Variants in APOL1 observed in about 807,000 individuals in gnomAD.
APOL1 encodes the protein apolipoprotein L 1.
In APOL1, 17 loss-of-function variants were observed where a neutral mutation model predicts 14.9. The observed-to-expected ratio is 1.14, with a 90% CI of 0.78 to 1.71. The LOEUF is 1.71. APOL1 is among the 40% of genes most tolerant of loss of function. APOL1 has a pLI of 0.00. For missense variants in APOL1, 523 were observed against 485.9 expected, an observed-to-expected ratio of 1.08 and a Z score of -0.72; for synonymous variants, 195 against 184.8, an observed-to-expected ratio of 1.05 and a Z score of -0.45.
intron 4 of APOL1, among the ~76,000 whole-genome samples, chr22:36,259,299 A>G (rs1288221023): frequency 6.6e-6 from 1 of 152,202 alleles, no homozygotes; most frequent in Non-Finnish European, 1.5e-5. Flanking sequence ...AAATACACAG[A>G]TTTAGTGCCA....
intron 4 of APOL1, among the ~76,000 whole-genome samples, chr22:36,260,303 G>A (rs1422541878): frequency 6.6e-6 from 1 of 152,192 alleles, no homozygotes; most frequent in East Asian, 1.9e-4. Context: ...GCTGAGGCAG[G>A]AGAATGGCAT....
chr22:36,257,970 C>T lies in APOL1; in HGVS notation c.187+563C>T, dbSNP rs58203109. On this transcript the variant is annotated intron_variant, in intron 4 of 5. Coordinates refer to ENST00000397278, the MANE Select transcript of APOL1 (RefSeq NM_003661.4). ...GCCACATCCCCTCTGTGTGACCTGG[C>T]GCTCCTTACCTCCCTTCTCCTGTAC... is the stretch of plus-strand genomic sequence containing the variant. Among the ~76,000 whole-genome samples the T allele has an allele frequency of 3.1e-3, 474 of 152,294 alleles. 1 individual carries two copies. Among genetic ancestry groups the T allele is most frequent in the African/African-American group, 0.011 (447 of 41,558 alleles).
intron 4 of APOL1, 78 bp from the exon 5 acceptor site, chr22:36,261,518 T>C (rs1364500105): frequency 6.2e-6 from 9 of 1,446,092 alleles, no homozygotes; most frequent in Middle Eastern, 1.8e-4. Context: ...AAAATTAACA[T>C]GTAGTCATCT....
Position 36,257,619 on chromosome 22 carries a change from G to T in APOL1, c.187+212G>T, listed in dbSNP as rs564462892. The T allele has an allele frequency of 1.3e-5, 7 of 557,608 alleles. No homozygotes were observed. In the Admixed American group the frequency reaches 2.1e-4, roughly 17 times the overall value. 34.5% of individuals were successfully genotyped at this position (557,608 alleles called of 1,614,324 possible). A position where few individuals can be genotyped will look rare whatever the true frequency, so the allele number is the denominator to read the frequency against. On this transcript the variant is annotated intron_variant, in intron 4 of 5. Coordinates refer to ENST00000397278, the MANE Select transcript of APOL1 (RefSeq NM_003661.4). Reference sequence around the variant, plus strand: ...CTCTCCTTAGGGTGACACGGCCCAGGTGCCCACTTCCTCCCTACCCTGGCA... The same window carrying T: ...CTCTCCTTAGGGTGACACGGCCCAGTTGCCCACTTCCTCCCTACCCTGGCA...
Position 36,261,605 on chromosome 22 carries a change from T to G in APOL1, c.197T>G (p.Ile66Ser). ...AAGTMDPESS[I>S]FIEDAIKYFK... ...TCTTCTTTCCAACTAGAGAGCAGTATCTTTATTGAGGATGCCATTAAGTAT... is the reference window on the plus strand; with the variant it reads ...TCTTCTTTCCAACTAGAGAGCAGTAGCTTTATTGAGGATGCCATTAAGTAT... Residue 66 changes from isoleucine to serine, a missense_variant, in exon 5 of 6, where the codon ATC becomes AGC. Transcript: ENST00000397278. 1 of 1,613,404 alleles carries G rather than the reference T, an allele frequency of 6.2e-7. No individual in the cohort carries two copies. Among genetic ancestry groups the G allele is most frequent in the Non-Finnish European group, 8.5e-7 (1 of 1,179,456 alleles).
chr22:36,264,523 C>T lies in APOL1; in HGVS notation c.315-628C>T, dbSNP rs912579987. Among the ~76,000 whole-genome samples, 5 of 152,268 alleles carry T rather than the reference C, an allele frequency of 3.3e-5. No homozygotes were observed. The East Asian group carries it at 5.8e-4, about 18-fold the overall frequency. On this transcript the variant is annotated intron_variant, in intron 5 of 5. Transcript: ENST00000397278. ...GCTCTTTGTTCATCTGCAGAGTTTT[C>T]CCTCTCCAAACACTTTGGCAGTCAC...
Position 36,266,393 on chromosome 22 carries a change from T to G in APOL1, c.*360T>G, listed in dbSNP as rs1458323593. 2.7e-6 allele frequency: 1 copy of G among 377,224 alleles called. No homozygotes were observed. Among genetic ancestry groups the G allele is most frequent in the African/African-American group, 2.1e-5 (1 of 47,246 alleles). 23.4% of individuals were successfully genotyped at this position (377,224 alleles called of 1,614,324 possible). ...CGTGAGCCATCGCTTTTGACCCAAATGCAAACATTTTATTAGGGGGATAAA... is the reference window on the plus strand; with the variant it reads ...CGTGAGCCATCGCTTTTGACCCAAAGGCAAACATTTTATTAGGGGGATAAA... On this transcript the variant is annotated 3_prime_UTR_variant, in exon 6 of 6. Coordinates refer to ENST00000397278, the MANE Select transcript of APOL1 (RefSeq NM_003661.4).
At chr22:36,259,660 T>C (rs776567945) in intron 4 of APOL1, 2 of 1,286,508 alleles carry the variant, frequency 1.6e-6, no homozygotes, top group South Asian at 2.5e-5. Context: ...ATCTGTGGTT[T>C]AATAACAGGC....
At chr22:36,264,316 C>CT (rs1230061291) in intron 5 of APOL1, among the ~76,000 whole-genome samples, 5 of 152,198 alleles carry the variant, frequency 3.3e-5, no homozygotes, top group Non-Finnish European at 1.5e-5. Flanking sequence ...CATCAGATTC[C>CT]TATACGGTCC....
rs146915099 is a variant in APOL1, at chr22:36,257,089, T to C, written c.51T>C (p.Ser17=). The C allele has an allele frequency of 5.6e-6, 9 of 1,613,964 alleles. No individual in the cohort carries two copies. Among genetic ancestry groups the C allele is most frequent in the African/African-American group, 5.3e-5 (4 of 74,886 alleles). The stretch of plus-strand genomic sequence containing the variant: ...TCTCCTCATACCCCAACAGGATGAG[T>C]GCACTTTTCCTTGGTGTGGGAGTGA... The part of the protein sequence containing the change: ...LRVSVLCIWM[S]ALFLGVGVRA... The change falls in exon 3 of 6, where the codon AGT becomes AGC. Residue 17 remains serine (S), a synonymous_variant. Transcript: ENST00000397278.
Position 36,266,065 on chromosome 22 carries a change from T to C in APOL1, c.*32T>C, listed in dbSNP as rs748673128. On this transcript the variant is annotated 3_prime_UTR_variant, in exon 6 of 6. Coordinates refer to ENST00000397278, the MANE Select transcript of APOL1 (RefSeq NM_003661.4). ...GGCAGGGCAGCCACCAGGAGAGATA[T>C]GCCTGGCAGGGGCCAGGACAAAATG... 1.3e-6 allele frequency: 2 copies of C among 1,549,232 alleles called. No individual in the cohort carries two copies. The highest frequency in any genetic ancestry group is 2.8e-5 in the African/African-American group (2 of 72,238).
chr22:36,256,486 A>T (rs572693117), intron 2 of APOL1, among the ~76,000 whole-genome samples: 1 of 152,354 alleles, frequency 6.6e-6, no homozygotes, highest in South Asian at 2.1e-4. Flanking sequence ...AGCAGAGGGG[A>T]CAGGGCAGCA....
rs753380461 is a variant in APOL1 at position 36,257,133 on chromosome 22, C to G, written c.95C>G (p.Ala32Gly). 8 of 1,613,952 alleles carry G rather than the reference C, an allele frequency of 5.0e-6. No homozygotes were observed. Among genetic ancestry groups the G allele is most frequent in the African/African-American group, 1.3e-5 (1 of 74,880 alleles). The change falls in exon 3 of 6, where the codon GCG becomes GGG. Residue 32 changes from alanine to glycine, a missense_variant. Transcript: ENST00000397278. ...GGAGTGAGGGCAGAGGAAGCTGGAG[C>G]GAGGTGAGTGTCTGCAAATAGCAGA... ...GVGVRAEEAG[A>G]RVQQNVPSGT...
intron 2 of APOL1, among the ~76,000 whole-genome samples, chr22:36,255,528 G>T (rs982276575): frequency 6.6e-6 from 1 of 151,102 alleles, no homozygotes; most frequent in African/African-American, 2.5e-5. Flanking sequence ...TGCTGCCCAG[G>T]ACTGGGTCCC....
In APOL1 at chr22:36,266,705, A is replaced by G. The variant is rs544305626; in HGVS notation, c.*672A>G. 3.1e-5 allele frequency: 11 copies of G among 352,658 alleles called. No homozygotes were observed. The South Asian group carries it at 1.0e-3, about 32-fold the overall frequency. 21.8% of individuals were successfully genotyped at this position (352,658 alleles called of 1,614,324 possible). ...CGGATCACGAGGTCAGGAGATCGAG[A>G]CCATCCTGGCTAACACAGTGAAACC... is the stretch of plus-strand genomic sequence containing the variant. On this transcript the variant is annotated 3_prime_UTR_variant, in exon 6 of 6. Coordinates refer to ENST00000397278, the MANE Select transcript of APOL1 (RefSeq NM_003661.4).
At chr22:36,262,121 C>G (rs55653110) in intron 5 of APOL1, among the ~76,000 whole-genome samples, 16,784 of 152,214 alleles carry the variant, frequency 0.11, 1,068 homozygotes, top group Non-Finnish European at 0.15. Flanking sequence ...TTGGTGGAAA[C>G]AGAACCAGGG....
At chr22:36,262,412 T>C (rs1156899911) in intron 5 of APOL1, among the ~76,000 whole-genome samples, 1 of 152,234 alleles carries the variant, frequency 6.6e-6, no homozygotes, top group African/African-American at 2.4e-5. Context: ...ATCAGTCTAA[T>C]AGGAATAGCA....
At position 36,265,852 on chromosome 22, in the gene APOL1, C is replaced by T. The variant is rs1320324982; in HGVS notation, c.1016C>T (p.Ala339Val). Residue 339 changes from alanine to valine, a missense_variant, in exon 6 of 6, where the codon GCC becomes GTC. Transcript: ENST00000397278. ...AGAGGAGTCAAGCTCACGGATGTGG[C>T]CCCTGTAAGCTTCTTTCTTGTGCTG... ...MSRGVKLTDV[A>V]PVSFFLVLDV... The T allele has an allele frequency of 6.2e-7, 1 of 1,614,158 alleles. No homozygotes were observed. Among genetic ancestry groups the T allele is most frequent in the East Asian group, 2.2e-5 (1 of 44,882 alleles).
Position 36,265,250 on chromosome 22 carries a change from C to T in APOL1, c.414C>T (p.Asn138=). 2 of 1,614,160 alleles carry T rather than the reference C, an allele frequency of 1.2e-6. No individual in the cohort carries two copies. Among genetic ancestry groups the T allele is most frequent in the South Asian group, 2.2e-5 (2 of 91,076 alleles). ...ACGATAAAGGCCAGCAGTACAGAAACTGGTTTCTGAAAGAGTTTCCTCGGT... is the reference window on the plus strand; with the variant it reads ...ACGATAAAGGCCAGCAGTACAGAAATTGGTTTCTGAAAGAGTTTCCTCGGT... ...NWHDKGQQYR[N]WFLKEFPRLK... Residue 138 remains asparagine (N), a synonymous_variant, in exon 6 of 6, where the codon AAC becomes AAT. Transcript: ENST00000397278.
Sources: allele counts gnomAD v4.1 joint callset (sites outside exome capture counted in the v4.1 genomes callset), GRCh38; gene constraint gnomAD v4.1.1; transcripts MANE v1.5; gene names NCBI Gene and HGNC (gene_info 2026-07-23, HGNC 2026-07-21).